Variants in TAFA1 observed in about 807,000 individuals in gnomAD.
TAFA1 encodes chemokine-like protein TAFA-1.
A neutral mutation model predicts 18.5 loss-of-function variants in TAFA1; 4 were observed. That is an observed-to-expected ratio of 0.22 (90% CI 0.11 to 0.49). The LOEUF (loss-of-function observed/expected upper bound fraction) is 0.49, where lower values mean the gene tolerates loss of function less well. Ranked by LOEUF, TAFA1 falls within the 20% of genes least tolerant of loss-of-function variation. The probability of loss-of-function intolerance (pLI) is 0.98; values close to 1 mark genes in which losing one functional copy is unlikely to be tolerated. For synonymous variants in TAFA1, 56 were observed against 55.2 expected, an observed-to-expected ratio of 1.01 and a Z score of -0.06; for missense variants, 147 against 169.0, an observed-to-expected ratio of 0.87 and a Z score of 0.72.
intron 2 of TAFA1, among the ~76,000 whole-genome samples, chr3:68,231,546 G>A (rs1472364709): frequency 2.0e-5 from 3 of 150,158 alleles, no homozygotes; most frequent in Non-Finnish European, 4.4e-5. Flanking sequence ...ATTTTTAGTA[G>A]AGACGGGGTT....
upstream of TAFA1, among the ~76,000 whole-genome samples, chr3:68,003,084 G>C (rs1704302155): frequency 6.6e-6 from 1 of 152,168 alleles, no homozygotes; most frequent in Admixed American, 6.6e-5. Context: ...ATTTTTAACT[G>C]TGAGATTAAT....
intron 2 of TAFA1, 40 bp from the exon 3 acceptor site, chr3:68,417,240 T>G (rs1162810896): frequency 6.2e-7 from 1 of 1,600,178 alleles, no homozygotes. Flanking sequence ...AGTCACTGAG[T>G]TATTTCTAAT....
chr3:68,218,092 T>C (rs2066681804), intron 2 of TAFA1, among the ~76,000 whole-genome samples: 1 of 152,126 alleles, frequency 6.6e-6, no homozygotes, highest in African/African-American at 2.4e-5. Flanking sequence ...GAGATTTAAT[T>C]GGCATCCCAC....
At chr3:68,303,640 G>T (rs973950867) in intron 2 of TAFA1, among the ~76,000 whole-genome samples, 2 of 151,946 alleles carry the variant, frequency 1.3e-5, no homozygotes, top group African/African-American at 4.8e-5. Flanking sequence ...TAGTAGAGAC[G>T]GGGTTTCACT....
chr3:68,118,293 T>A (rs1302334323), intron 2 of TAFA1, among the ~76,000 whole-genome samples: 7 of 152,116 alleles, frequency 4.6e-5, no homozygotes, highest in Admixed American at 4.6e-4. Context: ...GCGCACTTCA[T>A]AATAGGGTTC....
chr3:68,503,145 C>T (rs534115559), intron 3 of TAFA1, among the ~76,000 whole-genome samples: 50 of 152,160 alleles, frequency 3.3e-4, no homozygotes, highest in South Asian at 1.2e-3. Context: ...TCAAGTGAGT[C>T]GAAATGCAGA....
chr3:68,413,047 T>G (rs1487922829), intron 2 of TAFA1, among the ~76,000 whole-genome samples: 1 of 152,114 alleles, frequency 6.6e-6, no homozygotes. Context: ...TGTTGTTTCC[T>G]GACTTTTTAA....
At chr3:68,253,741 G>C (rs2067240610) in intron 2 of TAFA1, among the ~76,000 whole-genome samples, 1 of 152,040 alleles carries the variant, frequency 6.6e-6, no homozygotes, top group Non-Finnish European at 1.5e-5. Context: ...CATTTTTCTT[G>C]GTCAATGATA....
intron 2 of TAFA1, among the ~76,000 whole-genome samples, chr3:68,193,954 CT>C (rs1275706785): frequency 6.6e-6 from 1 of 151,712 alleles, no homozygotes; most frequent in African/African-American, 2.4e-5. Flanking sequence ...TATTTTTAAG[CT>C]TTAGGCCTAG....
At chr3:68,239,771 C>T (rs551279541) in intron 2 of TAFA1, among the ~76,000 whole-genome samples, 1 of 152,158 alleles carries the variant, frequency 6.6e-6, no homozygotes, top group Admixed American at 6.5e-5. Flanking sequence ...GCCAACTGAT[C>T]GACTGAATCC....
At chr3:68,487,299 A>G (rs1486067058) in intron 3 of TAFA1, among the ~76,000 whole-genome samples, 1 of 152,164 alleles carries the variant, frequency 6.6e-6, no homozygotes, top group East Asian at 1.9e-4. Context: ...AATTTCTTTT[A>G]TTATTTAAAA....
At chr3:68,013,663 C>A (rs1207815846) in intron 2 of TAFA1, among the ~76,000 whole-genome samples, 1 of 152,136 alleles carries the variant, frequency 6.6e-6, no homozygotes, top group African/African-American at 2.4e-5. Flanking sequence ...CAGACAAGCA[C>A]TTTTTCCTTT....
intron 2 of TAFA1, among the ~76,000 whole-genome samples, chr3:68,046,438 C>T (rs2064386092): frequency 6.6e-6 from 1 of 152,166 alleles, no homozygotes; most frequent in Non-Finnish European, 1.5e-5. Context: ...AATACACTCT[C>T]TCACAGTTGT....
At chr3:68,421,935 G>A (rs2070962010) in intron 3 of TAFA1, among the ~76,000 whole-genome samples, 1 of 151,916 alleles carries the variant, frequency 6.6e-6, no homozygotes, top group African/African-American at 2.4e-5. Flanking sequence ...TACTAATACT[G>A]GTAAGTCATC....
At chr3:68,128,463 A>G (rs2065498475) in intron 2 of TAFA1, among the ~76,000 whole-genome samples, 2 of 152,210 alleles carry the variant, frequency 1.3e-5, no homozygotes, top group African/African-American at 4.8e-5. Flanking sequence ...ACTATGAACA[A>G]GCTGATGTTG....
At chr3:68,483,335 G>A (rs575355432) in intron 3 of TAFA1, among the ~76,000 whole-genome samples, 31 of 152,260 alleles carry the variant, frequency 2.0e-4, no homozygotes, top group African/African-American at 6.3e-4. Context: ...CTGTACTCTC[G>A]TAGCAGGGAA....
intron 2 of TAFA1, among the ~76,000 whole-genome samples, chr3:68,414,991 C>G (rs1022813171): frequency 6.6e-6 from 1 of 152,100 alleles, no homozygotes; most frequent in Non-Finnish European, 1.5e-5. Flanking sequence ...TTGTAGCTGA[C>G]AATTATAAGC....
intron 3 of TAFA1, among the ~76,000 whole-genome samples, chr3:68,421,993 C>T (rs1227755719): frequency 1.3e-5 from 2 of 152,038 alleles, no homozygotes; most frequent in African/African-American, 2.4e-5. Context: ...TTCAGAGATA[C>T]ATCCATGCAC....
intron 2 of TAFA1, among the ~76,000 whole-genome samples, chr3:68,025,337 C>T (rs1408559620): frequency 1.3e-5 from 2 of 152,084 alleles, no homozygotes; most frequent in Non-Finnish European, 2.9e-5. Context: ...CACCCTGGGC[C>T]GAGCCACAAC....
Sources: gnomAD v4.1 joint callset for allele counts (sites outside exome capture counted in the v4.1 genomes callset) on GRCh38, gnomAD v4.1.1 for gene constraint, MANE v1.5 for transcripts, NCBI Gene and HGNC (gene_info 2026-07-23, HGNC 2026-07-21) for gene names.